Variants in CNTFR observed in about 807,000 individuals in gnomAD.
The protein encoded by CNTFR is ciliary neurotrophic factor receptor subunit alpha.
A neutral mutation model predicts 40.4 loss-of-function variants in CNTFR; 12 were observed. That is an observed-to-expected ratio of 0.30 (90% CI 0.19 to 0.48). CNTFR has a LOEUF of 0.48. Among genes scored for constraint, CNTFR ranks in the 20% least tolerant of loss-of-function variants. The pLI, the probability that CNTFR is intolerant of heterozygous loss-of-function variation, is 0.99. For missense variants in CNTFR, 414 were observed against 506.8 expected (o/e 0.82, Z 1.76); for synonymous variants, 202 against 209.6 (o/e 0.96, Z 0.31).
intron 3 of CNTFR, among the ~76,000 whole-genome samples, chr9:34,567,317 G>A (rs552187610): frequency 6.6e-5 from 10 of 152,238 alleles, no homozygotes; most frequent in East Asian, 3.9e-4. Context: ...CAGAGCTGAC[G>A]GCTCCCTCAC....
At chr9:34,586,189 C>T (rs1827538284) in intron 1 of CNTFR, among the ~76,000 whole-genome samples, 1 of 152,162 alleles carries the variant, frequency 6.6e-6, no homozygotes, top group Non-Finnish European at 1.5e-5. Flanking sequence ...AATCCCAGGG[C>T]TGGCTGCATC....
In CNTFR at chr9:34,558,080, C is replaced by G. The variant is rs564948819; in HGVS notation, c.320-96G>C. The G allele has an allele frequency of 1.8e-4, 158 of 861,206 alleles. No homozygotes were observed. The East Asian group carries it at 3.2e-3, about 18-fold the overall frequency. The allele number at this position is 861,206 out of a possible 1,614,324, so 53.3% of individuals were successfully genotyped here. ...GGGCCCCAGAGCCCCAGCTCTCCCC[C>G]CTCAACCCATCATTGATGCCAAAGT... is the stretch of plus-strand genomic sequence containing the variant. On this transcript the variant is annotated intron_variant, in intron 4 of 9. Coordinates refer to ENST00000378980, the MANE Select transcript of CNTFR (RefSeq NM_147164.3).
At position 34,568,931 on chromosome 9, in the gene CNTFR, G is replaced by T. The variant is rs184670508; in HGVS notation, c.51C>A (p.Ala17=). The T allele has an allele frequency of 1.3e-6, 2 of 1,597,974 alleles. No homozygotes were observed. Among genetic ancestry groups the T allele is most frequent in the Non-Finnish European group, 1.7e-6 (2 of 1,172,902 alleles). Residue 17 remains alanine (A), a synonymous_variant, in exon 3 of 10, where the codon GCC becomes GCA. Transcript: ENST00000378980. The part of the protein sequence containing the change: ...WACCAVLAAA[A]AVVYAQRHSP... ...TGTGTCTCTGGGCGTAGACAACTGCGGCGGCGGCGGCAAGCACAGCACAGC... is the reference window on the plus strand; with the variant it reads ...TGTGTCTCTGGGCGTAGACAACTGCTGCGGCGGCGGCAAGCACAGCACAGC...
At chr9:34,569,020 A>G (rs779462299) in intron 2 of CNTFR, 39 bp from the exon 3 acceptor site, 47 of 1,529,194 alleles carry the variant, frequency 3.1e-5, no homozygotes, top group Non-Finnish European at 4.1e-5. Context: ...GGTCAGCATC[A>G]GCCCAGGCAG....
intron 1 of CNTFR, among the ~76,000 whole-genome samples, chr9:34,581,565 A>C (rs1025026637): frequency 6.6e-6 from 1 of 152,242 alleles, no homozygotes; most frequent in Non-Finnish European, 1.5e-5. Context: ...GGTCACAGGC[A>C]CGGTGTAAAT....
chr9:34,562,852 C>CA (rs1826125377), intron 4 of CNTFR, among the ~76,000 whole-genome samples: 1 of 152,138 alleles, frequency 6.6e-6, no homozygotes, highest in African/African-American at 2.4e-5. Context: ...TCTGACTTCT[C>CA]AAAATCCCTC....
At chr9:34,585,899 A>G (rs773267282) in intron 1 of CNTFR, among the ~76,000 whole-genome samples, 1 of 152,096 alleles carries the variant, frequency 6.6e-6, no homozygotes, top group Non-Finnish European at 1.5e-5. Flanking sequence ...AATCCACTCC[A>G]TATGTTTCCG....
At chr9:34,575,385 C>G (rs1826900845) in intron 2 of CNTFR, among the ~76,000 whole-genome samples, 1 of 152,106 alleles carries the variant, frequency 6.6e-6, no homozygotes, top group Non-Finnish European at 1.5e-5. Flanking sequence ...CAACGAAAGG[C>G]AGGGGATGGG....
At chr9:34,567,674 A>C (rs151258985) in intron 3 of CNTFR, among the ~76,000 whole-genome samples, 1 of 152,222 alleles carries the variant, frequency 6.6e-6, no homozygotes, top group Non-Finnish European at 1.5e-5. Flanking sequence ...TGTGGGGTAC[A>C]GTCTCAAACA....
upstream of CNTFR, chr9:34,590,224 A>C (rs1416823956): frequency 6.5e-6 from 1 of 152,790 alleles, no homozygotes; most frequent in East Asian, 1.9e-4. Context: ...CTGGGCGCGC[A>C]CTCACCCCCG....
In CNTFR at chr9:34,568,425, G is replaced by A. The variant is rs527325824; in HGVS notation, c.85+472C>T. Among the ~76,000 whole-genome samples, 127 of 152,128 alleles carry A rather than the reference G, an allele frequency of 8.3e-4. 1 individual carries two copies. The highest frequency in any genetic ancestry group is 1.6e-3 in the Admixed American group (24 of 15,290). On this transcript the variant is annotated intron_variant, in intron 3 of 9. Transcript: ENST00000378980. ...TTCCTTAGTGCACTGGCTCTCTCCC[G>A]CATGTTAGCCTGTCCCTTCGTCTCA...
At chr9:34,574,058 A>AG (rs1292452056) in intron 2 of CNTFR, among the ~76,000 whole-genome samples, 1 of 151,410 alleles carries the variant, frequency 6.6e-6, no homozygotes, top group African/African-American at 2.4e-5. Flanking sequence ...AGGCCCCCAG[A>AG]TCCCACCAGG....
At chr9:34,556,167 G>C in intron 7 of CNTFR, 88 bp downstream of exon 7, 1 of 1,424,102 alleles carries the variant, frequency 7.0e-7, no homozygotes, top group African/African-American at 1.4e-5. Flanking sequence ...TCTCACACTG[G>C]AGCTGCTGCC....
chr9:34,579,095 G>A (rs960045909), intron 2 of CNTFR, among the ~76,000 whole-genome samples: 1 of 152,192 alleles, frequency 6.6e-6, no homozygotes, highest in South Asian at 2.1e-4. Flanking sequence ...ATGCACATCC[G>A]CATGGGGTCG....
At chr9:34,579,419 T>G (rs1587168281) in intron 2 of CNTFR, among the ~76,000 whole-genome samples, 2 of 146,892 alleles carry the variant, frequency 1.4e-5, no homozygotes, top group Admixed American at 6.8e-5. Context: ...AGGAGGGGGG[T>G]GGAGAGACAG....
chr9:34,578,235 C>A (rs1019854553), intron 2 of CNTFR, among the ~76,000 whole-genome samples: 2 of 152,130 alleles, frequency 1.3e-5, no homozygotes, highest in Non-Finnish European at 2.9e-5. Context: ...GGCAAGCGGG[C>A]CGGGAGGAGG....
In CNTFR at chr9:34,552,785, C is replaced by G; in HGVS notation, c.838G>C (p.Val280Leu). The change falls in exon 8 of 10, where the codon GTG (valine) becomes CTG (leucine). Residue 280 changes from valine (V) to leucine (L), a missense_variant. This residue lies in a region of CNTFR where 83 missense variants were observed against 145.0 expected (regional missense o/e 0.57). Transcript: ENST00000378980. The surrounding 1 kb of genome is among the most constrained non-coding windows in gnomAD (Gnocchi z 5.1). ...AYAGKEYIIQ[V>L]AAKDNEIGTW... ...CCAATCTCATTGTCCTTGGCTGCCACCTGGATAATGTACTCCTTCCCGGCG... is the reference window on the plus strand; with the variant it reads ...CCAATCTCATTGTCCTTGGCTGCCAGCTGGATAATGTACTCCTTCCCGGCG... 6.2e-7 allele frequency: 1 copy of G among 1,613,790 alleles called. No individual in the cohort carries two copies. The highest frequency in any genetic ancestry group is 8.5e-7 in the Non-Finnish European group (1 of 1,179,906).
Position 34,589,512 on chromosome 9 carries a change from C to T in CNTFR, c.-112+43G>A, listed in dbSNP as rs1827688284. 6.6e-6 allele frequency: 1 copy of T among 152,084 alleles called. No individual in the cohort carries two copies. The allele number at this position is 152,084 out of a possible 1,614,324, so 9.4% of individuals were successfully genotyped here. A position where few individuals can be genotyped will look rare whatever the true frequency, so the allele number is the denominator to read the frequency against. ...CCGCCGGTCTGCTGGTCAGCCCGGG[C>T]TCTGAGGGTCCGGCCGCGCGCACTC... On this transcript the variant is annotated intron_variant, in intron 1 of 9. Transcript: ENST00000378980. The surrounding 1 kb of genome is among the most constrained non-coding windows in gnomAD (Gnocchi z 4.4).
At chr9:34,578,779 T>C (rs1827128296) in intron 2 of CNTFR, among the ~76,000 whole-genome samples, 1 of 152,216 alleles carries the variant, frequency 6.6e-6, no homozygotes, top group Non-Finnish European at 1.5e-5. Flanking sequence ...GCCCCAACTC[T>C]ATTCCCCAAG....
Sources: gnomAD v4.1 joint callset for allele counts (sites outside exome capture counted in the v4.1 genomes callset) on GRCh38, gnomAD v4.1.1 for gene constraint, gnomAD v4.1.1 regional missense constraint, Gnocchi (gnomAD v3.1) non-coding constraint, MANE v1.5 for transcripts, NCBI Gene and HGNC (gene_info 2026-07-23, HGNC 2026-07-21) for gene names.